Variants in PCGF6 observed in about 807,000 individuals in gnomAD.
PCGF6 encodes the protein polycomb group RING finger protein 6.
In PCGF6, 24 loss-of-function variants were observed where a neutral mutation model predicts 45.5. The observed-to-expected ratio is 0.53, with a 90% CI of 0.38 to 0.74. The LOEUF (loss-of-function observed/expected upper bound fraction) is 0.74, where lower values mean the gene tolerates loss of function less well. PCGF6 is among the 30% of genes least tolerant of loss of function. The probability of loss-of-function intolerance (pLI) is 0.00; values close to 1 mark genes in which losing one functional copy is unlikely to be tolerated. For missense variants in PCGF6, 356 were observed against 443.2 expected, an observed-to-expected ratio of 0.80 and a Z score of 1.77; for synonymous variants, 152 against 162.1, an observed-to-expected ratio of 0.94 and a Z score of 0.47.
chr10:103,326,119 C>T (rs2093217239), intron 8 of PCGF6, among the ~76,000 whole-genome samples: 1 of 152,036 alleles, frequency 6.6e-6, no homozygotes, highest in South Asian at 2.1e-4. Context: ...TAACAATGTC[C>T]AGGCGCGGTG....
chr10:103,343,971 G>C (rs1435591363), intron 6 of PCGF6, among the ~76,000 whole-genome samples: 1 of 151,754 alleles, frequency 6.6e-6, no homozygotes, highest in African/African-American at 2.4e-5. Flanking sequence ...AGATACATAT[G>C]AATTTGTTTA....
intron 8 of PCGF6, among the ~76,000 whole-genome samples, chr10:103,325,896 G>T (rs1426049867): frequency 6.6e-6 from 1 of 150,992 alleles, no homozygotes; most frequent in Non-Finnish European, 1.5e-5. Context: ...GGTGGCATGT[G>T]CCTCTAGTCC....
intron 9 of PCGF6, 75 bp downstream of exon 9, chr10:103,314,111 T>C: frequency 8.8e-6 from 7 of 794,514 alleles, no homozygotes; most frequent in Non-Finnish European, 9.9e-6. Context: ...AGAATATTTA[T>C]GAAAACTTAC....
rs1370990713 is a variant in PCGF6, at chr10:103,345,120, G to C, written c.686C>G (p.Pro229Arg). The C allele has an allele frequency of 6.2e-7, 1 of 1,609,032 alleles. No individual in the cohort carries two copies. The highest frequency in any genetic ancestry group is 8.5e-7 in the Non-Finnish European group (1 of 1,177,480). The change falls in exon 6 of 10, where the codon CCA (proline) becomes CGA (arginine). Residue 229 changes from proline to arginine, a missense_variant. Pro to Arg is a moderately radical substitution (Grantham distance 103, BLOSUM62 -2). Around this residue, in one of 2 missense-constraint regions of PCGF6, gnomAD observed 307 missense variants for 350.1 expected, o/e 0.88. Coordinates refer to ENST00000369847, the MANE Select transcript of PCGF6 (RefSeq NM_001011663.2). ...LEVPKPAVPQ[P>R]VPSSKGRSKK... ...AGATCTTCCTTTGCTTGAAGGGACTGGCTGTGGAACAGCTATTTAATAGTC... is the reference window on the plus strand; with the variant it reads ...AGATCTTCCTTTGCTTGAAGGGACTCGCTGTGGAACAGCTATTTAATAGTC...
chr10:103,338,850 AAG>A (rs1274719186), intron 6 of PCGF6, among the ~76,000 whole-genome samples: 1 of 152,122 alleles, frequency 6.6e-6, no homozygotes, highest in Non-Finnish European at 1.5e-5. Flanking sequence ...CCTGGACAAG[AAG>A]AGTGAAACTC....
rs749210655 is a variant in PCGF6 at position 103,351,105 on chromosome 10, A to G, written c.-39T>C. ...ACCAGGCGAGGCGAGGCGGCGGGAG[A>G]GCGCGGGAGTTCGGCCGGCCTCGGA... On this transcript the variant is annotated 5_prime_UTR_variant, in exon 1 of 10. Coordinates refer to ENST00000369847, the MANE Select transcript of PCGF6 (RefSeq NM_001011663.2). 6.0e-6 allele frequency: 8 copies of G among 1,336,168 alleles called. No homozygotes were observed. In the South Asian group the frequency reaches 1.4e-4, roughly 23 times the overall value. The allele number at this position is 1,336,168 out of a possible 1,614,324, so 82.8% of individuals were successfully genotyped here. A position where few individuals can be genotyped will look rare whatever the true frequency, so the allele number is the denominator to read the frequency against.
intron 7 of PCGF6, among the ~76,000 whole-genome samples, chr10:103,328,332 T>A (rs1406503092): frequency 1.3e-5 from 2 of 152,194 alleles, no homozygotes; most frequent in Non-Finnish European, 2.9e-5. Context: ...TTGAGAACTT[T>A]CCCAACTAAA....
chr10:103,333,988 A>C, intron 6 of PCGF6, 36 bp from the exon 7 acceptor site: 1 of 1,376,972 alleles, frequency 7.3e-7, no homozygotes, highest in Non-Finnish European at 9.8e-7. Context: ...AATATTTAAT[A>C]CTTTAAGCTA....
intron 6 of PCGF6, 45 bp downstream of exon 6, chr10:103,344,979 T>C: frequency 7.5e-7 from 1 of 1,341,840 alleles, no homozygotes; most frequent in East Asian, 2.3e-5. Context: ...CTATTAGGAC[T>C]TTTAACATTC....
rs1305189798 is a variant in PCGF6 at position 103,339,807 on chromosome 10, AAAAACAC to A, written c.782+5210_782+5216del. Reference sequence around the variant, plus strand: ...AGCGAAATTCTGTCTGTCTCAAAAAAAAAACACACACACACACACACACACACACACA... The same window carrying A: ...AGCGAAATTCTGTCTGTCTCAAAAAAACACACACACACACACACACACACA... On this transcript the variant is annotated intron_variant, in intron 6 of 9. Transcript: ENST00000369847. Among the ~76,000 whole-genome samples, 215 of 45,166 alleles carry A rather than the reference AAAAACAC, an allele frequency of 4.8e-3. 7 individuals carry two copies. The East Asian group carries it at 0.054, about 11-fold the overall frequency. The allele number at this position is 45,166 out of a possible 152,430, so 29.6% of individuals were successfully genotyped here.
At chr10:103,333,869 G>T in intron 7 of PCGF6, 56 bp downstream of exon 7, 1 of 1,365,240 alleles carries the variant, frequency 7.3e-7, no homozygotes, top group Non-Finnish European at 1.0e-6. Flanking sequence ...AATCTGACTC[G>T]AATTTGTGTG....
At chr10:103,308,551 A>G (rs2093145587) in intron 9 of PCGF6, among the ~76,000 whole-genome samples, 1 of 151,718 alleles carries the variant, frequency 6.6e-6, no homozygotes. Context: ...GTAGTGCACC[A>G]CCATGCCTGG....
chr10:103,328,933 G>A (rs192666818), intron 7 of PCGF6, among the ~76,000 whole-genome samples: 5 of 151,952 alleles, frequency 3.3e-5, no homozygotes, highest in Admixed American at 2.6e-4. Flanking sequence ...TTTTAGTAGA[G>A]ACAGGGTTTC....
At chr10:103,328,909 G>A (rs2093229247) in intron 7 of PCGF6, among the ~76,000 whole-genome samples, 1 of 147,092 alleles carries the variant, frequency 6.8e-6, no homozygotes, top group Non-Finnish European at 1.5e-5. Context: ...GTACCACCAC[G>A]CTATTTTTTG....
chr10:103,334,635 C>CT (rs767276405), intron 6 of PCGF6, among the ~76,000 whole-genome samples: 22 of 152,000 alleles, frequency 1.4e-4, no homozygotes, highest in Non-Finnish European at 2.9e-4. Flanking sequence ...CTTCCTATTG[C>CT]TTTTTTTGCA....
chr10:103,337,450 C>A (rs1421825103), intron 6 of PCGF6, among the ~76,000 whole-genome samples: 2 of 152,146 alleles, frequency 1.3e-5, no homozygotes, highest in Non-Finnish European at 1.5e-5. Flanking sequence ...ATTGTAACCT[C>A]CAGTTTAGAA....
chr10:103,344,140 C>A (rs561363901), intron 6 of PCGF6, among the ~76,000 whole-genome samples: 2 of 151,648 alleles, frequency 1.3e-5, no homozygotes, highest in Non-Finnish European at 2.9e-5. Context: ...TATATTTCAA[C>A]AGGGATGAAT....
Position 103,303,764 on chromosome 10 carries a change from C to A in PCGF6, c.*141G>T. 1 of 691,076 alleles carries A rather than the reference C, an allele frequency of 1.4e-6. No individual in the cohort carries two copies. Among genetic ancestry groups the A allele is most frequent in the East Asian group, 2.5e-5 (1 of 39,762 alleles). The allele number at this position is 691,076 out of a possible 1,614,324, so 42.8% of individuals were successfully genotyped here. ...TCGTTCCAAGTTGTACTTATAAACG[C>A]TATAATTCTTGGTGCTAAAAATAGG... On this transcript the variant is annotated 3_prime_UTR_variant, in exon 10 of 10. Coordinates refer to ENST00000369847, the MANE Select transcript of PCGF6 (RefSeq NM_001011663.2).
At chr10:103,334,714 A>T (rs1343245821) in intron 6 of PCGF6, among the ~76,000 whole-genome samples, 1 of 152,162 alleles carries the variant, frequency 6.6e-6, no homozygotes, top group Non-Finnish European at 1.5e-5. Flanking sequence ...TTCTTGGTTA[A>T]ATCAATTACT....
Sources: gnomAD v4.1 joint callset for allele counts (sites outside exome capture counted in the v4.1 genomes callset) on GRCh38, gnomAD v4.1.1 for gene constraint, gnomAD v4.1.1 regional missense constraint, MANE v1.5 for transcripts, NCBI Gene and HGNC (gene_info 2026-07-23, HGNC 2026-07-21) for gene names.